ARB2A: variants seen among roughly 807,000 people sequenced by gnomAD.
ARB2A encodes the protein cotranscriptional regulator ARB2A.
At chr5:93,853,128 T>G in the ARB2A span, among the ~76,000 whole-genome samples, 1 of 152,142 alleles carries the variant, frequency 6.6e-6, no homozygotes, top group Non-Finnish European at 1.5e-5. Context: ...CCTCTTTTAT[T>G]TCATTGAGCA....
the ARB2A span, among the ~76,000 whole-genome samples, chr5:93,992,881 A>ACTATT: frequency 6.6e-6 from 1 of 152,046 alleles, no homozygotes; most frequent in African/African-American, 2.4e-5. Flanking sequence ...CAAAACATAA[A>ACTATT]CTATTAATTA....
At chr5:93,858,487 C>G in the ARB2A span, among the ~76,000 whole-genome samples, 1 of 152,180 alleles carries the variant, frequency 6.6e-6, no homozygotes, top group Non-Finnish European at 1.5e-5. Flanking sequence ...TCTTAATTGT[C>G]ATTACAATCC....
chr5:93,955,007 C>T, the ARB2A span, among the ~76,000 whole-genome samples: 1 of 152,084 alleles, frequency 6.6e-6, no homozygotes, highest in African/African-American at 2.4e-5. Context: ...TCTCTCTCCA[C>T]ACCATGCTGC....
At chr5:93,796,988 T>C in the ARB2A span, among the ~76,000 whole-genome samples, 1 of 152,140 alleles carries the variant, frequency 6.6e-6, no homozygotes, top group Non-Finnish European at 1.5e-5. Context: ...CTTTCACAGA[T>C]AGAGAACATG....
the ARB2A span, among the ~76,000 whole-genome samples, chr5:94,086,015 GA>G: frequency 2.6e-5 from 4 of 152,110 alleles, no homozygotes; most frequent in Non-Finnish European, 2.9e-5. Flanking sequence ...TTACCACTGG[GA>G]AAGAACAGAA....
chr5:93,957,496 A>G, the ARB2A span, among the ~76,000 whole-genome samples: 2 of 152,110 alleles, frequency 1.3e-5, no homozygotes, highest in Admixed American at 6.5e-5. Flanking sequence ...AACAGTTTAA[A>G]CATAATATTT....
chr5:94,073,099 AGAGAGT>A, the ARB2A span, among the ~76,000 whole-genome samples: 11 of 152,128 alleles, frequency 7.2e-5, no homozygotes, highest in Non-Finnish European at 1.6e-4. Flanking sequence ...AATGAACAGC[AGAGAGT>A]GATCATCATT....
the ARB2A span, among the ~76,000 whole-genome samples, chr5:93,803,684 C>T: frequency 6.7e-6 from 1 of 148,208 alleles, no homozygotes; most frequent in Non-Finnish European, 1.5e-5. Context: ...ACATAAAAAA[C>T]CTGCATATGT....
the ARB2A span, among the ~76,000 whole-genome samples, chr5:93,687,967 TTTCTA>T: frequency 6.7e-5 from 10 of 148,626 alleles, no homozygotes; most frequent in African/African-American, 1.8e-4. Flanking sequence ...TAACTTTTCT[TTTCTA>T]TTCTTTTTTT....
At chr5:93,948,021 T>C in the ARB2A span, among the ~76,000 whole-genome samples, 6 of 152,214 alleles carry the variant, frequency 3.9e-5, no homozygotes, top group Non-Finnish European at 7.3e-5. Flanking sequence ...CCTTTGGGTA[T>C]ATACCCAGTA....
chr5:94,003,751 C>A, the ARB2A span, among the ~76,000 whole-genome samples: 3 of 151,994 alleles, frequency 2.0e-5, no homozygotes, highest in African/African-American at 7.2e-5. Flanking sequence ...ATACAAAGCT[C>A]TAACAAAATA....
chr5:93,873,314 AGAAAGGAAAG>A, the ARB2A span, among the ~76,000 whole-genome samples: 53 of 32,920 alleles, frequency 1.6e-3, 1 homozygote, highest in African/African-American at 1.9e-3. Flanking sequence ...GGGGGGGGAA[AGAAAGGAAAG>A]GAAAGGAAAG....
the ARB2A span, among the ~76,000 whole-genome samples, chr5:93,937,453 C>CA: frequency 6.7e-6 from 1 of 149,170 alleles, no homozygotes; most frequent in Non-Finnish European, 1.5e-5. Context: ...AAAAAAAATA[C>CA]AAAAAAAAAT....
chr5:94,090,096 A>C, the ARB2A span, among the ~76,000 whole-genome samples: 6 of 152,222 alleles, frequency 3.9e-5, no homozygotes, highest in Non-Finnish European at 1.5e-5. Flanking sequence ...TTGAATAAGG[A>C]AATCAATCTC....
the ARB2A span, among the ~76,000 whole-genome samples, chr5:93,987,140 C>G: frequency 6.6e-6 from 1 of 152,014 alleles, no homozygotes; most frequent in Non-Finnish European, 1.5e-5. Context: ...AAGATCGACC[C>G]TGTAAGTTAA....
the ARB2A span, among the ~76,000 whole-genome samples, chr5:93,791,853 CT>C: frequency 1.3e-5 from 2 of 151,958 alleles, no homozygotes; most frequent in Non-Finnish European, 2.9e-5. Context: ...CTTCCTTTTC[CT>C]TTCCTGCCTA....
At chr5:94,063,707 A>G in the ARB2A span, among the ~76,000 whole-genome samples, 1 of 152,154 alleles carries the variant, frequency 6.6e-6, no homozygotes, top group African/African-American at 2.4e-5. Flanking sequence ...CACAGCCTCC[A>G]CTAACAACTG....
the ARB2A span, among the ~76,000 whole-genome samples, chr5:93,722,960 TAAA>T: frequency 6.6e-6 from 1 of 152,192 alleles, no homozygotes; most frequent in East Asian, 1.9e-4. Context: ...TATAATGCAG[TAAA>T]ATGACAATTT....
At chr5:93,879,980 T>A in the ARB2A span, among the ~76,000 whole-genome samples, 2 of 151,886 alleles carry the variant, frequency 1.3e-5, no homozygotes, top group Non-Finnish European at 2.9e-5. Flanking sequence ...GACTGGATCA[T>A]ATAGAAGGAA....
Sources: allele counts gnomAD v4.1 joint callset (sites outside exome capture counted in the v4.1 genomes callset), GRCh38; gene constraint gnomAD v4.1.1; transcripts MANE v1.5; gene names NCBI Gene and HGNC (gene_info 2026-07-23, HGNC 2026-07-21).